The following USP12 variants were observed in gnomAD, a reference collection of about 807,000 sequenced individuals.
USP12 encodes ubiquitin specific peptidase 12.
A neutral mutation model predicts 45.5 loss-of-function variants in USP12; 19 were observed. That is an observed-to-expected ratio of 0.42 (90% CI 0.29 to 0.61). The LOEUF (loss-of-function observed/expected upper bound fraction) is 0.61. USP12 is among the 20% of genes least tolerant of loss of function. USP12 has a pLI of 0.22. For missense variants in USP12, 242 were observed against 447.7 expected (o/e 0.54, Z 4.15); for synonymous variants, 149 against 148.8 (o/e 1.00, Z -0.01).
intron 1 of USP12, among the ~76,000 whole-genome samples, chr13:27,152,526 G>T (rs976051321): frequency 2.6e-5 from 4 of 152,144 alleles, no homozygotes; most frequent in Admixed American, 6.5e-5. Context: ...ATAAAGTATC[G>T]TTCAAGATGA....
In USP12 at chr13:27,141,909, C is replaced by T. The variant is rs112777742; in HGVS notation, c.49-25313G>A. 8.8e-3 allele frequency among the ~76,000 whole-genome samples: 1,343 copies of T among 152,128 alleles called. 16 individuals are homozygous for T. Among genetic ancestry groups the T allele is most frequent in the African/African-American group, 0.03 (1,254 of 41,488 alleles). Reference sequence around the variant, plus strand: ...TCAAAACACACTGAAAGAGGCTGGGCGTGGTAGCTCATGCCTGTAATCATG... The same window carrying T: ...TCAAAACACACTGAAAGAGGCTGGGTGTGGTAGCTCATGCCTGTAATCATG... On this transcript the variant is annotated intron_variant, in intron 1 of 8. Transcript: ENST00000282344.
rs536111245 is a variant in USP12 at position 27,085,461 on chromosome 13, G to A, written c.734+4422C>T. Among the ~76,000 whole-genome samples, 6 of 152,202 alleles carry A rather than the reference G, an allele frequency of 3.9e-5. No individual in the cohort carries two copies. In the South Asian group the frequency reaches 8.3e-4, roughly 21 times the overall value. On this transcript the variant is annotated intron_variant, in intron 6 of 8. Transcript: ENST00000282344. The stretch of plus-strand genomic sequence containing the variant: ...CTCCCAAAGTGCTGGGATTACAGGC[G>A]TGAGCCACCGCATCTGGCCGTCAAA...
chr13:27,074,408 A>C (rs758020505), intron 7 of USP12, among the ~76,000 whole-genome samples: 46 of 152,276 alleles, frequency 3.0e-4, no homozygotes, highest in South Asian at 8.3e-4. Flanking sequence ...TCAAAAAGAA[A>C]AAAAAAAAAT....
chr13:27,093,959 A>T (rs765147483), intron 4 of USP12, among the ~76,000 whole-genome samples: 2 of 152,194 alleles, frequency 1.3e-5, no homozygotes, highest in Non-Finnish European at 2.9e-5. Context: ...TTTCAACTAC[A>T]CAATATTCTG....
chr13:27,110,597 G>T (rs1279533013), intron 2 of USP12, among the ~76,000 whole-genome samples: 1 of 152,144 alleles, frequency 6.6e-6, no homozygotes, highest in East Asian at 1.9e-4. Context: ...GACAAGCACT[G>T]GTTTCAGAAA....
intron 1 of USP12, among the ~76,000 whole-genome samples, chr13:27,156,942 A>T (rs1165420174): frequency 6.6e-6 from 1 of 152,212 alleles, no homozygotes; most frequent in Admixed American, 6.5e-5. Context: ...CTAAATACGG[A>T]GAGGTCTCAG....
chr13:27,108,184 C>G (rs1875237565), intron 2 of USP12, among the ~76,000 whole-genome samples: 1 of 151,698 alleles, frequency 6.6e-6, no homozygotes, highest in African/African-American at 2.4e-5. Context: ...ACATATACAC[C>G]ATGGAATACT....
intron 6 of USP12, among the ~76,000 whole-genome samples, chr13:27,082,247 C>A (rs1403109911): frequency 6.6e-6 from 1 of 152,214 alleles, no homozygotes; most frequent in African/African-American, 2.4e-5. Flanking sequence ...ATCTAGATAA[C>A]TTACTGCTGC....
chr13:27,080,633 C>A (rs1873707324), intron 6 of USP12, among the ~76,000 whole-genome samples: 2 of 152,174 alleles, frequency 1.3e-5, no homozygotes, highest in Admixed American at 1.3e-4. Flanking sequence ...AGCGTACTGT[C>A]ACTAATCATT....
At chr13:27,165,205 T>G (rs1878298319) in intron 1 of USP12, among the ~76,000 whole-genome samples, 1 of 152,164 alleles carries the variant, frequency 6.6e-6, no homozygotes, top group African/African-American at 2.4e-5. Flanking sequence ...GACCAGTTAT[T>G]TTTGTTCCCA....
chr13:27,106,983 CTAA>C (rs1875170938), intron 2 of USP12, among the ~76,000 whole-genome samples: 2 of 152,064 alleles, frequency 1.3e-5, no homozygotes, highest in Admixed American at 1.3e-4. Flanking sequence ...CCATACATGC[CTAA>C]TGAGATATAG....
intron 4 of USP12, among the ~76,000 whole-genome samples, chr13:27,092,987 G>T (rs555903037): frequency 5.3e-5 from 8 of 151,992 alleles, no homozygotes; most frequent in African/African-American, 1.9e-4. Context: ...ACTTGAGGTC[G>T]GGAGTTCAAG....
rs569139245 is a variant in USP12 at position 27,109,891 on chromosome 13, G to A, written c.130-3947C>T. On this transcript the variant is annotated intron_variant, in intron 2 of 8. Coordinates refer to ENST00000282344, the MANE Select transcript of USP12 (RefSeq NM_182488.4). ...GCCGCCATTGCACTCCAGCCTGGGC[G>A]ACACAGTGAGACTCTGTCTCCAAAA... Among the ~76,000 whole-genome samples the A allele has an allele frequency of 3.1e-4, 39 of 126,584 alleles. 3 individuals are homozygous for A. Among genetic ancestry groups the A allele is most frequent in the Admixed American group, 1.3e-3 (14 of 11,052 alleles). The allele number at this position is 126,584 out of a possible 152,430, so 83.0% of individuals were successfully genotyped here.
rs757850604 is a variant in USP12 at position 27,075,348 on chromosome 13, G to A, written c.775C>T (p.Leu259=). Residue 259 remains leucine, a synonymous_variant, in exon 7 of 9, where the codon CTG becomes TTG. Coordinates refer to ENST00000282344, the MANE Select transcript of USP12 (RefSeq NM_182488.4). The part of the protein sequence containing the change: ...KKLPMILALH[L]KRFKYMDQLH... ...TGATCCATATATTTAAATCTCTTCA[G>A]GTGTAGAGCTAGAATCATGGGCAGT... 3.7e-6 allele frequency: 6 copies of A among 1,613,992 alleles called. No homozygotes were observed. Among genetic ancestry groups the A allele is most frequent in the Admixed American group, 1.7e-5 (1 of 60,014 alleles).
At chr13:27,075,151 C>T (rs1873418995) in intron 7 of USP12, 40 bp downstream of exon 7, 2 of 1,603,802 alleles carry the variant, frequency 1.2e-6, no homozygotes, top group Admixed American at 1.7e-5. Context: ...GCTCTTCTAA[C>T]CTAGGAATTC....
chr13:27,093,899 C>T (rs1373043998), intron 4 of USP12, among the ~76,000 whole-genome samples: 1 of 152,148 alleles, frequency 6.6e-6, no homozygotes, highest in Non-Finnish European at 1.5e-5. Flanking sequence ...ACCTTAAATG[C>T]ATATTGCTAA....
At chr13:27,159,826 C>T (rs879776379) in intron 1 of USP12, among the ~76,000 whole-genome samples, 3 of 152,128 alleles carry the variant, frequency 2.0e-5, no homozygotes, top group Non-Finnish European at 4.4e-5. Context: ...TCATCATTAA[C>T]ATAAAATGGC....
rs1202136573 is a variant in USP12 at position 27,129,336 on chromosome 13, G to C, written c.49-12740C>G. ...ACCATTTTCCAGCTATAAAACTGTG[G>C]AAGAACTGAAAACAACTTTTAAGTT... is the stretch of plus-strand genomic sequence containing the variant. On this transcript the variant is annotated intron_variant, in intron 1 of 8. Transcript: ENST00000282344. This position sits in a 1 kb window ranked among gnomAD's most constrained non-coding sequence, Gnocchi z 4.0. Among the ~76,000 whole-genome samples the C allele has an allele frequency of 6.6e-6, 1 of 152,170 alleles. No homozygotes were observed. Among genetic ancestry groups the C allele is most frequent in the Non-Finnish European group, 1.5e-5 (1 of 68,042 alleles).
At chr13:27,086,218 A>ATG in intron 6 of USP12, among the ~76,000 whole-genome samples, 1 of 139,592 alleles carries the variant, frequency 7.2e-6, no homozygotes, top group Non-Finnish European at 1.5e-5. Flanking sequence ...ATATATATAT[A>ATG]TGCGCACATA....
Sources: gnomAD v4.1 joint callset for allele counts (sites outside exome capture counted in the v4.1 genomes callset) on GRCh38, gnomAD v4.1.1 for gene constraint, Gnocchi (gnomAD v3.1) non-coding constraint, MANE v1.5 for transcripts, NCBI Gene and HGNC (gene_info 2026-07-23, HGNC 2026-07-21) for gene names.